Variants in ABI3BP observed in about 807,000 individuals in gnomAD.
ABI3BP encodes target of Nesh-SH3.
A neutral mutation model predicts 268.6 loss-of-function variants in ABI3BP; 216 were observed. That is an observed-to-expected ratio of 0.80 (90% confidence interval 0.72 to 0.90). The LOEUF (loss-of-function observed/expected upper bound fraction) is 0.90, where lower values mean the gene tolerates loss of function less well. ABI3BP is among the 40% of genes least tolerant of loss of function. The probability of loss-of-function intolerance (pLI) is 0.00; values close to 1 mark genes in which losing one functional copy is unlikely to be tolerated. For missense variants in ABI3BP, 2,090 were observed against 2,182.4 expected (o/e 0.96, Z 0.84); for synonymous variants, 730 against 730.0 (o/e 1.00, Z 0.00).
intron 1 of ABI3BP, among the ~76,000 whole-genome samples, chr3:100,983,068 A>C (rs529087376): frequency 1.3e-5 from 2 of 152,306 alleles, no homozygotes; most frequent in East Asian, 3.9e-4. Flanking sequence ...GACCCTTGGA[A>C]AACCAGAATG....
At chr3:100,931,642 C>T (rs1043671305) in intron 1 of ABI3BP, among the ~76,000 whole-genome samples, 10 of 151,948 alleles carry the variant, frequency 6.6e-5, no homozygotes. Flanking sequence ...AGGAATACAG[C>T]TAACCATGGA....
rs1370454679 is a variant in ABI3BP, at chr3:100,834,674, T to C, written c.2281+10A>G. 1 of 1,533,618 alleles carries C rather than the reference T, an allele frequency of 6.5e-7. No individual in the cohort carries two copies. Among genetic ancestry groups the C allele is most frequent in the Non-Finnish European group, 8.7e-7 (1 of 1,144,942 alleles). On this transcript the variant is annotated intron_variant, in intron 29 of 67. Transcript: ENST00000471714. ...GATGCCACAGGGACAAGGAACCACATATTATTTACCTAGTTTGGTCTGCAG... is the reference window on the plus strand; with the variant it reads ...GATGCCACAGGGACAAGGAACCACACATTATTTACCTAGTTTGGTCTGCAG...
intron 29 of ABI3BP, 57 bp downstream of exon 29, chr3:100,834,627 A>AC (rs2098547672): frequency 8.1e-6 from 12 of 1,486,528 alleles, no homozygotes; most frequent in East Asian, 2.5e-5. Context: ...TTAAACTGCC[A>AC]CCCCCATGCC....
chr3:100,757,532 T>C (rs1008010195), intron 63 of ABI3BP, among the ~76,000 whole-genome samples: 1 of 149,266 alleles, frequency 6.7e-6, no homozygotes, highest in African/African-American at 2.4e-5. Context: ...AAGAATAGTA[T>C]CAAAGTAAAA....
At chr3:100,933,990 T>C (rs2064822363) in intron 1 of ABI3BP, among the ~76,000 whole-genome samples, 1 of 151,934 alleles carries the variant, frequency 6.6e-6, no homozygotes, top group Non-Finnish European at 1.5e-5. Flanking sequence ...CAATAATAAT[T>C]TTTTAATTAT....
At chr3:100,950,428 C>G (rs2074436091) in intron 1 of ABI3BP, among the ~76,000 whole-genome samples, 1 of 152,076 alleles carries the variant, frequency 6.6e-6, no homozygotes, top group African/African-American at 2.4e-5. Context: ...GAGGAGGGAC[C>G]CGCATGCAGA....
chr3:100,829,445 G>A (rs1022263236), intron 33 of ABI3BP, 136 bp downstream of exon 33: 9 of 674,286 alleles, frequency 1.3e-5, no homozygotes, highest in Admixed American at 5.8e-5. Context: ...TGGCTACCAC[G>A]TCATCTCCCC....
rs1488546711 is a variant in ABI3BP at position 100,770,829 on chromosome 3, G to C, written c.4655C>G (p.Pro1552Arg). ...GNATSPPQNPPTNLTVVTVEG... is the reference protein window; with the variant it reads ...GNATSPPQNPRTNLTVVTVEG... The stretch of plus-strand genomic sequence containing the variant: ...CACGGTGACCACAGTGAGGTTGGTG[G>C]GTGGGTTCTGTGGTGGGCTGGTGGC... The change falls in exon 62 of 68, where the codon CCC (proline) becomes CGC (arginine). Residue 1552 changes from proline (P) to arginine (R), a missense_variant. Physicochemically the swap from Pro to Arg is moderately radical, Grantham distance 103 (BLOSUM62 -2). Coordinates refer to ENST00000471714, the MANE Select transcript of ABI3BP (RefSeq NM_001375547.2). The C allele has an allele frequency of 1.9e-6, 3 of 1,600,426 alleles. No homozygotes were observed. The highest frequency in any genetic ancestry group is 2.6e-6 in the Non-Finnish European group (3 of 1,173,694).
intron 1 of ABI3BP, among the ~76,000 whole-genome samples, chr3:100,959,423 GA>G (rs1464782389): frequency 6.9e-6 from 1 of 144,626 alleles, no homozygotes; most frequent in African/African-American, 2.6e-5. Context: ...CCGGGAGGCG[GA>G]GCTTGCAGTG....
At chr3:100,856,879 A>T (rs1375622882) in intron 14 of ABI3BP, among the ~76,000 whole-genome samples, 1 of 152,176 alleles carries the variant, frequency 6.6e-6, no homozygotes, top group African/African-American at 2.4e-5. Flanking sequence ...GCCCACAGAA[A>T]ACACAGCAAG....
At chr3:100,929,661 T>A (rs147892911) in intron 1 of ABI3BP, among the ~76,000 whole-genome samples, 1 of 152,176 alleles carries the variant, frequency 6.6e-6, no homozygotes, top group African/African-American at 2.4e-5. Flanking sequence ...CACACATTAC[T>A]TCTTCTCTTA....
chr3:100,826,983 C>T (rs1438866978), intron 34 of ABI3BP, among the ~76,000 whole-genome samples: 2 of 151,978 alleles, frequency 1.3e-5, no homozygotes, highest in East Asian at 1.9e-4. Context: ...CCTTTCTGGT[C>T]GCCTCTATTT....
intron 6 of ABI3BP, among the ~76,000 whole-genome samples, chr3:100,882,279 T>C (rs1017291431): frequency 1.3e-5 from 2 of 152,190 alleles, no homozygotes; most frequent in Middle Eastern, 6.8e-3. Context: ...AATAATTGGG[T>C]ATACACTTCT....
At position 100,841,912 on chromosome 3, in the gene ABI3BP, A is replaced by C. The variant is rs202087504; in HGVS notation, c.1765+86T>G. ...CTTCATCTGGAGAAGAAAAAAAAAA[A>C]AAAACAAAACCCAAAGCTGAACAAA... On this transcript the variant is annotated intron_variant, in intron 21 of 67. Transcript: ENST00000471714. The C allele has an allele frequency of 8.2e-4, 984 of 1,203,824 alleles. 16 individuals are homozygous for C. The East Asian group carries it at 0.013, about 15-fold the overall frequency. 74.6% of individuals were successfully genotyped at this position (1,203,824 alleles called of 1,614,324 possible).
At chr3:100,788,562 T>C (rs963362822) in intron 56 of ABI3BP, among the ~76,000 whole-genome samples, 3 of 152,074 alleles carry the variant, frequency 2.0e-5, no homozygotes, top group African/African-American at 2.4e-5. Flanking sequence ...TGTTACTACT[T>C]AGTTTTTAGA....
intron 6 of ABI3BP, among the ~76,000 whole-genome samples, chr3:100,877,114 A>T (rs1581577064): frequency 6.6e-6 from 1 of 152,340 alleles, no homozygotes; most frequent in Middle Eastern, 3.4e-3. Flanking sequence ...CCATTAGTTC[A>T]CTTTACTTAG....
intron 57 of ABI3BP, among the ~76,000 whole-genome samples, chr3:100,787,147 G>A (rs1370268516): frequency 1.3e-5 from 2 of 152,042 alleles, no homozygotes; most frequent in African/African-American, 4.8e-5. Context: ...TTAGATCAGT[G>A]TCCTAGTTTT....
intron 1 of ABI3BP, among the ~76,000 whole-genome samples, chr3:100,932,376 C>T (rs1322381779): frequency 1.3e-5 from 2 of 152,018 alleles, no homozygotes; most frequent in Admixed American, 6.6e-5. Flanking sequence ...TTCTGCACAG[C>T]AAACAAAACT....
At chr3:100,987,084 T>C (rs62275202) in intron 1 of ABI3BP, among the ~76,000 whole-genome samples, 5,150 of 152,284 alleles carry the variant, frequency 0.034, 298 homozygotes, top group Admixed American at 0.17. Flanking sequence ...ATGTTTATTC[T>C]GAGATCAATT....
Sources: allele counts gnomAD v4.1 joint callset (sites outside exome capture counted in the v4.1 genomes callset), GRCh38; gene constraint gnomAD v4.1.1; transcripts MANE v1.5; gene names NCBI Gene and HGNC (gene_info 2026-07-23, HGNC 2026-07-21).